The following RNF157 variants were observed in gnomAD, a reference collection of about 807,000 sequenced individuals.
The protein encoded by RNF157 is ring finger protein 157.
In RNF157, 55 loss-of-function variants were observed where a neutral mutation model predicts 88.3. The ratio of observed to expected loss-of-function variants is 0.62; its 90% CI spans 0.50 to 0.78. RNF157 has a LOEUF of 0.78. RNF157 is among the 30% of genes least tolerant of loss of function. The pLI, the probability that RNF157 is intolerant of heterozygous loss-of-function variation, is 0.00. For missense variants in RNF157, 788 were observed against 860.8 expected, an observed-to-expected ratio of 0.92 and a Z score of 1.06; for synonymous variants, 334 against 341.2, an observed-to-expected ratio of 0.98 and a Z score of 0.23.
chr17:76,148,729 C>A (rs2068626946), intron 18 of RNF157, among the ~76,000 whole-genome samples: 3 of 152,114 alleles, frequency 2.0e-5, no homozygotes, highest in African/African-American at 7.2e-5. Flanking sequence ...CGCCACCAAG[C>A]CTGGCTAATT....
intron 12 of RNF157, among the ~76,000 whole-genome samples, chr17:76,159,017 C>T (rs183020925): frequency 1.4e-4 from 22 of 152,162 alleles, no homozygotes; most frequent in African/African-American, 5.3e-4. Context: ...CTTCAGTCTT[C>T]GGACTAAGCA....
At chr17:76,165,460 A>G (rs1487676075) in intron 7 of RNF157, 42 bp downstream of exon 7, 1 of 1,606,348 alleles carries the variant, frequency 6.2e-7, no homozygotes, top group Non-Finnish European at 8.5e-7. Flanking sequence ...CACGAAAGAA[A>G]GGGCTAAAGG....
At chr17:76,175,756 C>CA in intron 2 of RNF157, 39 of 981,550 alleles carry the variant, frequency 4.0e-5, no homozygotes, top group Admixed American at 6.2e-5. Context: ...ACCTGCATTT[C>CA]AAAAAAAAGA....
At chr17:76,164,723 C>T (rs772271752) in intron 8 of RNF157, 25 bp downstream of exon 8, 1 of 1,485,556 alleles carries the variant, frequency 6.7e-7, no homozygotes, top group South Asian at 1.2e-5. Flanking sequence ...CTAATACTAA[C>T]AGTCTGTGGT....
At chr17:76,235,456 C>T (rs574763083) in intron 1 of RNF157, among the ~76,000 whole-genome samples, 5 of 152,274 alleles carry the variant, frequency 3.3e-5, no homozygotes, top group Admixed American at 2.6e-4. Flanking sequence ...CCTCGGCCTC[C>T]CAAAGTGCTG....
chr17:76,230,010 C>T (rs1185392619), intron 1 of RNF157, among the ~76,000 whole-genome samples: 1 of 152,294 alleles, frequency 6.6e-6, no homozygotes, highest in South Asian at 2.1e-4. Flanking sequence ...CACCCCAACT[C>T]ATCATTCCCC....
At chr17:76,148,390 C>CTGAG (rs1387133246) in intron 18 of RNF157, among the ~76,000 whole-genome samples, 7 of 151,376 alleles carry the variant, frequency 4.6e-5, no homozygotes, top group African/African-American at 1.7e-4. Flanking sequence ...TCGCAGCCTC[C>CTGAG]TGAGTAGCTG....
Position 76,171,077 on chromosome 17 carries a change from G to A in RNF157, c.296+2625C>T, listed in dbSNP as rs543672641. Among the ~76,000 whole-genome samples the A allele has an allele frequency of 1.6e-4, 25 of 151,860 alleles. 1 individual carries two copies. The South Asian group carries it at 3.8e-3, about 23-fold the overall frequency. ...CCGGCTAATTTTTTGTATTTTTAGT[G>A]GAGACGGGGTTTCACTGTGTTAGCC... On this transcript the variant is annotated intron_variant, in intron 3 of 18. Transcript: ENST00000269391.
At chr17:76,166,354 A>T in intron 6 of RNF157, 107 bp downstream of exon 6, 1 of 903,808 alleles carries the variant, frequency 1.1e-6, no homozygotes, top group African/African-American at 1.6e-5. Context: ...ACTCACAGTC[A>T]CAAACACCCA....
Position 76,146,277 on chromosome 17 carries a change from G to A in RNF157, c.1922-924C>T. On this transcript the variant is annotated intron_variant, in intron 18 of 18. Coordinates refer to ENST00000269391, the MANE Select transcript of RNF157 (RefSeq NM_052916.3). This position sits in a 1 kb window ranked among gnomAD's most constrained non-coding sequence, Gnocchi z 4.2. ...CCTTGGTTTTCTCACCCATCAGATG[G>A]GACATGCGTACTGACCTCACGGGCT... 1 of 889,886 alleles carries A rather than the reference G, an allele frequency of 1.1e-6. No homozygotes were observed. The highest frequency in any genetic ancestry group is 1.2e-4 in the East Asian group (1 of 8,334). The allele number at this position is 889,886 out of a possible 1,614,324, so 55.1% of individuals were successfully genotyped here. A position where few individuals can be genotyped will look rare whatever the true frequency, so the allele number is the denominator to read the frequency against.
chr17:76,145,988 CAA>C, intron 18 of RNF157, among the ~76,000 whole-genome samples: 1 of 152,172 alleles, frequency 6.6e-6, no homozygotes, highest in Non-Finnish European at 1.5e-5. Flanking sequence ...GACACCAGCC[CAA>C]GAGCCTCGGG....
At chr17:76,164,450 T>C (rs748089134) in intron 8 of RNF157, 1 of 239,910 alleles carries the variant, frequency 4.2e-6, no homozygotes, top group Non-Finnish European at 7.9e-6. Context: ...ATCTTGTTCT[T>C]TCATTTCTCA....
chr17:76,205,267 T>C (rs1458175817), intron 2 of RNF157, among the ~76,000 whole-genome samples: 1 of 151,718 alleles, frequency 6.6e-6, no homozygotes, highest in East Asian at 1.9e-4. Context: ...ACCACCCAAG[T>C]AGCTAGGAAT....
At chr17:76,193,927 G>C (rs2069429216) in intron 2 of RNF157, among the ~76,000 whole-genome samples, 1 of 152,122 alleles carries the variant, frequency 6.6e-6, no homozygotes, top group Non-Finnish European at 1.5e-5. Flanking sequence ...AGACAGCCCT[G>C]GGGGACACGG....
At chr17:76,191,997 C>A (rs974301455) in intron 2 of RNF157, among the ~76,000 whole-genome samples, 2 of 152,174 alleles carry the variant, frequency 1.3e-5, no homozygotes, top group Non-Finnish European at 2.9e-5. Context: ...GTTAAGGCCA[C>A]TATGCATCTC....
At position 76,200,977 on chromosome 17, in the gene RNF157, A is replaced by G. The variant is rs1013207368; in HGVS notation, c.207+11387T>C. Among the ~76,000 whole-genome samples the G allele has an allele frequency of 4.6e-5, 7 of 151,988 alleles. No homozygotes were observed. In the East Asian group the frequency reaches 1.3e-3, roughly 29 times the overall value. The stretch of plus-strand genomic sequence containing the variant: ...CAGACACTTCCTGGCACACATCCCA[A>G]CCCCAGCGAGCAGACCCTACCTTTC... On this transcript the variant is annotated intron_variant, in intron 2 of 18. Transcript: ENST00000269391.
chr17:76,222,200 G>T (rs551762081), intron 1 of RNF157, among the ~76,000 whole-genome samples: 15 of 152,132 alleles, frequency 9.9e-5, no homozygotes, highest in Non-Finnish European at 1.9e-4. Flanking sequence ...ACAAAAATGA[G>T]CTGGGTGTAG....
chr17:76,226,258 G>A, intron 1 of RNF157: 1 of 1,609,540 alleles, frequency 6.2e-7, no homozygotes, highest in Non-Finnish European at 8.5e-7. Context: ...CCACTTCACT[G>A]CCCAGCTCTA....
intron 1 of RNF157, among the ~76,000 whole-genome samples, chr17:76,215,953 T>C (rs1036906712): frequency 2.0e-5 from 3 of 152,220 alleles, no homozygotes; most frequent in African/African-American, 7.2e-5. Flanking sequence ...TCCAAGTGCA[T>C]AATTTATGGA....
Sources: gnomAD v4.1 joint callset for allele counts (sites outside exome capture counted in the v4.1 genomes callset) on GRCh38, gnomAD v4.1.1 for gene constraint, Gnocchi (gnomAD v3.1) non-coding constraint, MANE v1.5 for transcripts, NCBI Gene and HGNC (gene_info 2026-07-23, HGNC 2026-07-21) for gene names.